The following RASSF8 variants were observed in gnomAD, a reference collection of about 807,000 sequenced individuals.
RASSF8 encodes the protein ras association domain-containing protein 8.
A neutral mutation model predicts 48.5 loss-of-function variants in RASSF8; 22 were observed. That is an observed-to-expected ratio of 0.45 (90% CI 0.32 to 0.65). RASSF8 has a LOEUF of 0.65. Ranked by LOEUF, RASSF8 falls within the 30% of genes least tolerant of loss-of-function variation. The pLI is 0.03. For missense variants in RASSF8, 418 were observed against 489.2 expected (o/e 0.85, Z 1.37); for synonymous variants, 127 against 171.5 (o/e 0.74, Z 2.03).
At chr12:26,032,469 G>A (rs1943049529) in intron 2 of RASSF8, among the ~76,000 whole-genome samples, 1 of 152,160 alleles carries the variant, frequency 6.6e-6, no homozygotes, top group African/African-American at 2.4e-5. Context: ...TCTTGGGACT[G>A]TTTCATGGCT....
Position 26,079,095 on chromosome 12 carries a change from C to G in RASSF8, c.*22C>G, listed in dbSNP as rs143450412. 4.4e-4 allele frequency: 659 copies of G among 1,509,666 alleles called. 5 individuals carry two copies. The East Asian group carries it at 0.014, about 33-fold the overall frequency. The allele number at this position is 1,509,666 out of a possible 1,614,324, so 93.5% of individuals were successfully genotyped here. A position where few individuals can be genotyped will look rare whatever the true frequency, so the allele number is the denominator to read the frequency against. On this transcript the variant is annotated 3_prime_UTR_variant, in exon 6 of 6. Coordinates refer to the RASSF8 transcript ENST00000381352. The stretch of plus-strand genomic sequence containing the variant: ...TTAGATATCACACCAAAAGCTCAGG[C>G]AAGAAAAGCAAAAATGAACAAGTGG...
upstream of RASSF8, chr12:25,958,649 G>GCCCGGCCCGGCC (rs1163005783): frequency 2.1e-5 from 3 of 143,598 alleles, no homozygotes; most frequent in Non-Finnish European, 3.1e-5. Context: ...GCCCGGCCCG[G>GCCCGGCCCGGCC]CCCGGCCCGG....
At chr12:26,013,239 GTC>G (rs1164697660) in intron 2 of RASSF8, among the ~76,000 whole-genome samples, 1 of 152,148 alleles carries the variant, frequency 6.6e-6, no homozygotes, top group Non-Finnish European at 1.5e-5. Context: ...AGTAATTCAA[GTC>G]TAGTAATCCA....
chr12:26,015,522 A>G lies in RASSF8; in HGVS notation c.-109+20392A>G, dbSNP rs117863154. The stretch of plus-strand genomic sequence containing the variant: ...TTGATAGGCCACCTGACAAGCAAAG[A>G]GATTGAGGTGAAATCTCATCCAAAT... On this transcript the variant is annotated intron_variant, in intron 2 of 5. Coordinates refer to ENST00000689635, the MANE Select transcript of RASSF8 (RefSeq NM_001394098.1). Among the ~76,000 whole-genome samples the G allele has an allele frequency of 2.4e-4, 37 of 152,344 alleles. 2 individuals are homozygous for G. In the East Asian group the frequency reaches 6.9e-3, roughly 29 times the overall value.
chr12:25,964,883 C>G (rs1941320645), intron 1 of RASSF8, among the ~76,000 whole-genome samples: 1 of 151,968 alleles, frequency 6.6e-6, no homozygotes, highest in Non-Finnish European at 1.5e-5. Flanking sequence ...TGTATTTTTT[C>G]TTTTTAGTGT....
intron 1 of RASSF8, among the ~76,000 whole-genome samples, chr12:25,963,519 T>C (rs1180624999): frequency 6.6e-6 from 1 of 152,232 alleles, no homozygotes; most frequent in Non-Finnish European, 1.5e-5. Flanking sequence ...TGACTTGTTT[T>C]TTAGGACTTT....
chr12:26,038,013 C>T (rs1473529223), intron 2 of RASSF8, among the ~76,000 whole-genome samples: 1 of 152,168 alleles, frequency 6.6e-6, no homozygotes, highest in African/African-American at 2.4e-5. Context: ...TGCACGGCAT[C>T]CCCTCCTCTT....
intron 1 of RASSF8, among the ~76,000 whole-genome samples, chr12:25,977,287 G>A (rs1941629198): frequency 6.6e-6 from 1 of 152,146 alleles, no homozygotes; most frequent in African/African-American, 2.4e-5. Flanking sequence ...AAGTTTGCAT[G>A]GATTCATCCT....
In RASSF8 at chr12:26,068,536, G is replaced by A. The variant is rs917434664; in HGVS notation, c.1139-161G>A. On this transcript the variant is annotated intron_variant, in intron 5 of 5. Coordinates refer to ENST00000689635, the MANE Select transcript of RASSF8 (RefSeq NM_001394098.1). Reference sequence around the variant, plus strand: ...AAACTAGTTTATCAAAGAGACCTGAGAAGGTTTTAGCCTTCTCCCCCAGCC... The same window carrying A: ...AAACTAGTTTATCAAAGAGACCTGAAAAGGTTTTAGCCTTCTCCCCCAGCC... Among the ~76,000 whole-genome samples, 3 of 152,148 alleles carry A rather than the reference G, an allele frequency of 2.0e-5. No individual in the cohort carries two copies. The East Asian group carries it at 5.8e-4, about 29-fold the overall frequency.
chr12:26,073,849 C>CACACACACACACACAT (rs35014279), downstream of RASSF8, among the ~76,000 whole-genome samples: 44 of 144,110 alleles, frequency 3.1e-4, no homozygotes, highest in Admixed American at 5.6e-4. Flanking sequence ...CACACACACA[C>CACACACACACACACAT]ATATATATAT....
chr12:26,037,433 AT>A (rs1181597132), intron 2 of RASSF8, among the ~76,000 whole-genome samples: 1 of 152,156 alleles, frequency 6.6e-6, no homozygotes, highest in Non-Finnish European at 1.5e-5. Flanking sequence ...TAGTTTTTGT[AT>A]TTTGTATACT....
intron 2 of RASSF8, among the ~76,000 whole-genome samples, chr12:26,029,372 G>A (rs1942982074): frequency 6.6e-6 from 1 of 152,228 alleles, no homozygotes; most frequent in Non-Finnish European, 1.5e-5. Flanking sequence ...CAGTGCTTCA[G>A]AAGCCCTGCT....
intron 2 of RASSF8, among the ~76,000 whole-genome samples, chr12:26,008,880 C>G (rs1212036080): frequency 2.0e-5 from 3 of 152,114 alleles, no homozygotes; most frequent in African/African-American, 2.4e-5. Context: ...GGTCAGGTCA[C>G]TCTTTTATTC....
rs1260231224 is a variant in RASSF8, at chr12:26,072,822, A to G, written c.*4004A>G. 5.5e-6 allele frequency: 5 copies of G among 913,094 alleles called. No individual in the cohort carries two copies. In the African/African-American group the frequency reaches 7.2e-5, roughly 13 times the overall value. 56.6% of individuals were successfully genotyped at this position (913,094 alleles called of 1,614,324 possible). ...TTATGAGCTGTAAAACAAAGAATCA[A>G]TATTGGATATTCTCCCAAATAATAA... is the stretch of plus-strand genomic sequence containing the variant. On this transcript the variant is annotated 3_prime_UTR_variant, in exon 6 of 6. Coordinates refer to ENST00000689635, the MANE Select transcript of RASSF8 (RefSeq NM_001394098.1).
intron 3 of RASSF8, among the ~76,000 whole-genome samples, chr12:26,058,813 T>C (rs1445568180): frequency 3.3e-5 from 5 of 152,228 alleles, no homozygotes; most frequent in Admixed American, 3.3e-4. Flanking sequence ...TCTACACTAA[T>C]CTGACAATCT....
At chr12:26,017,000 A>G (rs1257905103) in intron 2 of RASSF8, among the ~76,000 whole-genome samples, 1 of 152,130 alleles carries the variant, frequency 6.6e-6, no homozygotes, top group Non-Finnish European at 1.5e-5. Flanking sequence ...TGTTTTTAGT[A>G]CTTTCCACTG....
intron 1 of RASSF8, among the ~76,000 whole-genome samples, chr12:25,980,105 C>G (rs1416342403): frequency 6.6e-6 from 1 of 152,314 alleles, no homozygotes; most frequent in African/African-American, 2.4e-5. Flanking sequence ...ATCAGGTTTT[C>G]TAAGTACCGA....
chr12:26,072,820 C>A lies in RASSF8; in HGVS notation c.*4002C>A. The A allele has an allele frequency of 1.1e-6, 1 of 914,546 alleles. No homozygotes were observed. Among genetic ancestry groups the A allele is most frequent in the Non-Finnish European group, 1.3e-6 (1 of 765,630 alleles). The allele number at this position is 914,546 out of a possible 1,614,324, so 56.7% of individuals were successfully genotyped here. On this transcript the variant is annotated 3_prime_UTR_variant, in exon 6 of 6. Coordinates refer to ENST00000689635, the MANE Select transcript of RASSF8 (RefSeq NM_001394098.1). The stretch of plus-strand genomic sequence containing the variant: ...CATTATGAGCTGTAAAACAAAGAAT[C>A]AATATTGGATATTCTCCCAAATAAT...
At chr12:26,033,872 T>C (rs1565628764) in intron 2 of RASSF8, among the ~76,000 whole-genome samples, 1 of 152,102 alleles carries the variant, frequency 6.6e-6, no homozygotes, top group Non-Finnish European at 1.5e-5. Flanking sequence ...TAGTTCACCT[T>C]TCTGAGCCTC....
Sources: gnomAD v4.1 joint callset for allele counts (sites outside exome capture counted in the v4.1 genomes callset) on GRCh38, gnomAD v4.1.1 for gene constraint, MANE v1.5 for transcripts, NCBI Gene and HGNC (gene_info 2026-07-23, HGNC 2026-07-21) for gene names.